MBNL2: variants seen among roughly 807,000 people sequenced by gnomAD.
The protein encoded by MBNL2 is muscleblind like splicing regulator 2.
In MBNL2, 17 loss-of-function variants were observed where a neutral mutation model predicts 41.9. The observed-to-expected ratio is 0.41, with a 90% CI of 0.28 to 0.61. The LOEUF (loss-of-function observed/expected upper bound fraction) is 0.61. Ranked by LOEUF, MBNL2 falls within the 20% of genes least tolerant of loss-of-function variation. The pLI, the probability that MBNL2 is intolerant of heterozygous loss-of-function variation, is 0.35. For synonymous variants in MBNL2, 195 were observed against 182.9 expected, an observed-to-expected ratio of 1.07 and a Z score of -0.53; for missense variants, 336 against 505.6, an observed-to-expected ratio of 0.66 and a Z score of 3.22.
chr13:97,159,463 C>T, the MBNL2 span, among the ~76,000 whole-genome samples: 3 of 151,202 alleles, frequency 2.0e-5, no homozygotes, highest in African/African-American at 7.3e-5. Context: ...TTATTTTGCT[C>T]GTTCGTTGAT....
intron 8 of MBNL2, among the ~76,000 whole-genome samples, chr13:97,382,356 G>C (rs2065531871): frequency 6.6e-6 from 1 of 152,210 alleles, no homozygotes; most frequent in Non-Finnish European, 1.5e-5. Context: ...TCATGTCTAT[G>C]ATGTTGCTAT....
chr13:97,193,228 A>G, the MBNL2 span, among the ~76,000 whole-genome samples: 50 of 152,308 alleles, frequency 3.3e-4, no homozygotes, highest in South Asian at 5.8e-3. Context: ...CAGCGGACCA[A>G]TGCATTCTCT....
intron 2 of MBNL2, among the ~76,000 whole-genome samples, chr13:97,285,954 G>A (rs2054347205): frequency 6.6e-6 from 1 of 152,164 alleles, no homozygotes; most frequent in African/African-American, 2.4e-5. Context: ...CATCCATGGT[G>A]GCACCTGACT....
At chr13:97,241,995 G>A (rs745727888) in intron 1 of MBNL2, among the ~76,000 whole-genome samples, 5 of 152,136 alleles carry the variant, frequency 3.3e-5, no homozygotes, top group African/African-American at 1.2e-4. Context: ...GGGTTCCTCC[G>A]AGAGGAAATT....
intron 1 of MBNL2, among the ~76,000 whole-genome samples, chr13:97,233,513 TG>T (rs1045340907): frequency 2.0e-5 from 3 of 151,706 alleles, no homozygotes; most frequent in Non-Finnish European, 4.4e-5. Flanking sequence ...CTCATATTTC[TG>T]GGGTTCTAGT....
intron 2 of MBNL2, among the ~76,000 whole-genome samples, chr13:97,325,466 C>A (rs905757147): frequency 2.0e-5 from 3 of 152,206 alleles, no homozygotes; most frequent in Admixed American, 6.5e-5. Flanking sequence ...TGCAGTGGCT[C>A]ACGCCTGTAA....
At chr13:97,150,144 G>A in the MBNL2 span, among the ~76,000 whole-genome samples, 1 of 152,184 alleles carries the variant, frequency 6.6e-6, no homozygotes, top group South Asian at 2.1e-4. Context: ...CTGCTGGTGG[G>A]TGCACAGAAC....
At chr13:97,231,980 G>A (rs180905357) in intron 1 of MBNL2, among the ~76,000 whole-genome samples, 3 of 152,222 alleles carry the variant, frequency 2.0e-5, no homozygotes, top group Admixed American at 6.5e-5. Flanking sequence ...TGTAGATAGC[G>A]CCATTCTCTC....
At chr13:97,309,432 A>T (rs1566407823) in intron 2 of MBNL2, among the ~76,000 whole-genome samples, 1 of 152,210 alleles carries the variant, frequency 6.6e-6, no homozygotes, top group East Asian at 1.9e-4. Context: ...TATTGCAAGT[A>T]GAAATTTGGA....
chr13:97,284,996 T>C (rs527277210), intron 2 of MBNL2, among the ~76,000 whole-genome samples: 6 of 152,210 alleles, frequency 3.9e-5, no homozygotes, highest in Non-Finnish European at 8.8e-5. Context: ...TATGAAACCA[T>C]TTATTATTAA....
the MBNL2 span, among the ~76,000 whole-genome samples, chr13:97,204,867 A>T: frequency 1.3e-5 from 2 of 152,058 alleles, no homozygotes. Context: ...TGAGGTCAGG[A>T]GTTTGAGACT....
chr13:97,156,106 G>A, the MBNL2 span, among the ~76,000 whole-genome samples: 5 of 110,764 alleles, frequency 4.5e-5, no homozygotes, highest in African/African-American at 1.5e-4. Context: ...GTGTGAGATG[G>A]TATCTCATTG....
At chr13:97,275,302 G>A (rs2051972534) in intron 1 of MBNL2, among the ~76,000 whole-genome samples, 1 of 152,120 alleles carries the variant, frequency 6.6e-6, no homozygotes, top group Non-Finnish European at 1.5e-5. Context: ...TGGCCTAAAT[G>A]TGAAATTAAT....
At chr13:97,198,108 T>G in the MBNL2 span, among the ~76,000 whole-genome samples, 2 of 152,102 alleles carry the variant, frequency 1.3e-5, no homozygotes, top group Admixed American at 6.6e-5. Flanking sequence ...TCTGAGGGTG[T>G]TTATTGGTGA....
intron 2 of MBNL2, among the ~76,000 whole-genome samples, chr13:97,306,955 G>T (rs1227554356): frequency 6.6e-6 from 1 of 152,150 alleles, no homozygotes; most frequent in East Asian, 1.9e-4. Context: ...GCCTTGGTTG[G>T]ATCACTCAGT....
At chr13:97,362,072 A>AT (rs1471166301) in intron 7 of MBNL2, among the ~76,000 whole-genome samples, 1 of 151,922 alleles carries the variant, frequency 6.6e-6, no homozygotes, top group Admixed American at 6.6e-5. Context: ...GTGCCCAGCC[A>AT]TTTTTTTATG....
chr13:97,329,525 C>A (rs552653607), intron 2 of MBNL2, among the ~76,000 whole-genome samples: 1 of 151,490 alleles, frequency 6.6e-6, no homozygotes, highest in Non-Finnish European at 1.5e-5. Context: ...CCCTTCTCTG[C>A]ACTGGCCTTA....
intron 2 of MBNL2, among the ~76,000 whole-genome samples, chr13:97,324,623 C>T (rs1006142918): frequency 2.0e-5 from 3 of 152,060 alleles, no homozygotes; most frequent in Non-Finnish European, 2.9e-5. Context: ...TTGGGAGAAT[C>T]GACTCACACG....
intron 7 of MBNL2, among the ~76,000 whole-genome samples, chr13:97,363,798 C>A (rs2063623013): frequency 6.6e-6 from 1 of 152,020 alleles, no homozygotes; most frequent in Non-Finnish European, 1.5e-5. Context: ...CTGGCAGTAG[C>A]CCAGTTAAAT....
Sources: allele counts gnomAD v4.1 joint callset (sites outside exome capture counted in the v4.1 genomes callset), GRCh38; gene constraint gnomAD v4.1.1; transcripts MANE v1.5; gene names NCBI Gene and HGNC (gene_info 2026-07-23, HGNC 2026-07-21).